CEP152: variants seen among roughly 807,000 people sequenced by gnomAD.
The protein encoded by CEP152 is centrosomal protein of 152 kDa.
A neutral mutation model predicts 188.9 loss-of-function variants in CEP152; 132 were observed. The ratio of observed to expected loss-of-function variants is 0.70; its 90% CI spans 0.61 to 0.81. The LOEUF is 0.81. Among genes scored for constraint, CEP152 ranks in the 30% least tolerant of loss-of-function variants. The pLI is 0.00. For synonymous variants in CEP152, 649 were observed against 666.6 expected (o/e 0.97, Z 0.41); for missense variants, 1,914 against 1,969.8 (o/e 0.97, Z 0.54).
At chr15:48,755,217 A>G (rs922025239) in intron 20 of CEP152, among the ~76,000 whole-genome samples, 7 of 152,322 alleles carry the variant, frequency 4.6e-5, no homozygotes, top group Admixed American at 4.6e-4. Flanking sequence ...AATTAATTCT[A>G]TATGCACATA....
rs1422913824 is a variant in CEP152 at position 48,745,952 on chromosome 15, G to A, written c.3635-960C>T. Among the ~76,000 whole-genome samples, 3 of 152,088 alleles carry A rather than the reference G, an allele frequency of 2.0e-5. No homozygotes were observed. The East Asian group carries it at 5.8e-4, about 29-fold the overall frequency. On this transcript the variant is annotated intron_variant, in intron 22 of 26. Transcript: ENST00000380950. Reference sequence around the variant, plus strand: ...AATATAAATGTGAACATGGCATCTCGTGTTTCCTGTGATGCTACCCTCTCA... The same window carrying A: ...AATATAAATGTGAACATGGCATCTCATGTTTCCTGTGATGCTACCCTCTCA...
At chr15:48,800,939 C>T (rs1023000839) in intron 2 of CEP152, among the ~76,000 whole-genome samples, 22 of 152,166 alleles carry the variant, frequency 1.4e-4, no homozygotes, top group Middle Eastern at 3.2e-3. Context: ...CAAAAGCCTA[C>T]ATTCAGGGGC....
intron 12 of CEP152, among the ~76,000 whole-genome samples, chr15:48,780,619 C>G (rs1475134218): frequency 6.6e-6 from 1 of 152,148 alleles, no homozygotes; most frequent in Admixed American, 6.5e-5. Flanking sequence ...TTCCAAACAC[C>G]GTATCTCTCT....
Position 48,756,236 on chromosome 15 carries a change from T to C in CEP152, c.3012A>G (p.Gln1004=). The C allele has an allele frequency of 1.9e-6, 3 of 1,610,284 alleles. No individual in the cohort carries two copies. The highest frequency in any genetic ancestry group is 2.5e-6 in the Non-Finnish European group (3 of 1,177,836). The stretch of plus-strand genomic sequence containing the variant: ...CCTTCTGAAGAAGTAGTTCAGTTTT[T>C]TGTTTCATAAAGTCTTCTTTAGCTG... ...LAAAKEDFMK[Q]KTELLLQKET... is the part of the protein sequence containing the mutation. Residue 1004 remains glutamine (Q), a synonymous_variant, in exon 20 of 27, where the codon CAA becomes CAG. Transcript: ENST00000380950.
At chr15:48,755,807 T>C in intron 20 of CEP152, 96 bp downstream of exon 20, 2 of 1,585,882 alleles carry the variant, frequency 1.3e-6, no homozygotes. Context: ...GACTTACATC[T>C]ACTAAAATTT....
rs761440574 is a variant in CEP152 at position 48,744,887 on chromosome 15, A to G, written c.3731+9T>C. The G allele has an allele frequency of 1.2e-5, 20 of 1,600,918 alleles. No homozygotes were observed. The East Asian group carries it at 2.0e-4, about 16-fold the overall frequency. Reference sequence around the variant, plus strand: ...TTTAAAATAGCACTTTAAAATAGTAAAAGTATACCTTGGTGGTGTTTTACA... The same window carrying G: ...TTTAAAATAGCACTTTAAAATAGTAGAAGTATACCTTGGTGGTGTTTTACA... On this transcript the variant is annotated intron_variant, in intron 23 of 26. Coordinates refer to ENST00000380950, the MANE Select transcript of CEP152 (RefSeq NM_001194998.2).
At position 48,748,600 on chromosome 15, in the gene CEP152, CT is replaced by C; in HGVS notation, c.3476del (p.Lys1159ArgfsTer27). ...AGCATAAATCCTTAATTTCAAGGAC[CT>C]TTTTCTTATCTGCAAAAATTAAATG... The part of the protein sequence containing the change: ...QATEAEADKK[K>X]VLEIKDLCCG... On this transcript the variant is annotated frameshift_variant, in exon 22 of 27. Transcript: ENST00000380950. LOFTEE classifies it high-confidence loss of function. 4 of 1,480,968 alleles carry C rather than the reference CT, an allele frequency of 2.7e-6. No individual in the cohort carries two copies. The highest frequency in any genetic ancestry group is 1.4e-5 in the South Asian group (1 of 72,712). 91.7% of individuals were successfully genotyped at this position (1,480,968 alleles called of 1,614,324 possible).
At chr15:48,781,117 A>G (rs1896212222) in intron 12 of CEP152, 79 bp downstream of exon 12, 7 of 1,254,412 alleles carry the variant, frequency 5.6e-6, no homozygotes, top group Non-Finnish European at 8.2e-6. Flanking sequence ...ATACGCTCTC[A>G]CCTTAAAACA....
chr15:48,761,026 G>A (rs1456992685), intron 18 of CEP152, among the ~76,000 whole-genome samples: 1 of 152,048 alleles, frequency 6.6e-6, no homozygotes, highest in African/African-American at 2.4e-5. Flanking sequence ...TTAAGAAATG[G>A]GGAAAAGATA....
rs1892690194 is a variant in CEP152, at chr15:48,738,030, A to G, written c.*219T>C. 2 of 521,314 alleles carry G rather than the reference A, an allele frequency of 3.8e-6. No homozygotes were observed. The highest frequency in any genetic ancestry group is 2.8e-5 in the South Asian group (1 of 35,570). 32.3% of individuals were successfully genotyped at this position (521,314 alleles called of 1,614,324 possible). On this transcript the variant is annotated 3_prime_UTR_variant, in exon 27 of 27. Coordinates refer to ENST00000380950, the MANE Select transcript of CEP152 (RefSeq NM_001194998.2). ...AATAGATGGTTTAGAAACCAAAAAT[A>G]AGCACCACACAAAAGCAGATTATAC...
At chr15:48,762,068 T>C (rs1894725117) in intron 18 of CEP152, among the ~76,000 whole-genome samples, 1 of 152,250 alleles carries the variant, frequency 6.6e-6, no homozygotes, top group Non-Finnish European at 1.5e-5. Context: ...AAAAATTAGA[T>C]ATGAAAGATT....
chr15:48,757,081 T>A (rs912387249), intron 19 of CEP152, among the ~76,000 whole-genome samples: 7 of 152,186 alleles, frequency 4.6e-5, no homozygotes, highest in African/African-American at 1.7e-4. Flanking sequence ...AATTTGTTTG[T>A]ATGACAGAAT....
intron 9 of CEP152, among the ~76,000 whole-genome samples, chr15:48,785,402 G>A (rs1034420089): frequency 1.3e-5 from 2 of 151,018 alleles, no homozygotes; most frequent in Non-Finnish European, 3.0e-5. Context: ...ACACTGCTGC[G>A]AATTCCAGGC....
chr15:48,803,535 A>G (rs1229449268), intron 2 of CEP152, among the ~76,000 whole-genome samples: 4 of 152,216 alleles, frequency 2.6e-5, no homozygotes, highest in Non-Finnish European at 4.4e-5. Context: ...GAAGTTTTTT[A>G]CAAATTTAAC....
At chr15:48,763,766 T>C (rs1361400166) in intron 17 of CEP152, among the ~76,000 whole-genome samples, 1 of 152,228 alleles carries the variant, frequency 6.6e-6, no homozygotes, top group Non-Finnish European at 1.5e-5. Flanking sequence ...CTTTGTTCCC[T>C]AACTTGCTAG....
chr15:48,785,278 A>G (rs575519669), intron 9 of CEP152, among the ~76,000 whole-genome samples: 34 of 152,318 alleles, frequency 2.2e-4, no homozygotes, highest in African/African-American at 7.5e-4. Flanking sequence ...TGAATTTTGT[A>G]TTCTATTTCA....
intron 5 of CEP152, 71 bp from the exon 6 acceptor site, chr15:48,796,231 A>G: frequency 6.4e-7 from 1 of 1,560,122 alleles, no homozygotes; most frequent in Non-Finnish European, 8.8e-7. Context: ...TTAGACACCT[A>G]AATTAATGTT....
intron 6 of CEP152, among the ~76,000 whole-genome samples, chr15:48,794,486 G>C (rs1189388307): frequency 6.6e-6 from 1 of 152,078 alleles, no homozygotes; most frequent in Non-Finnish European, 1.5e-5. Context: ...ACTCCTCATA[G>C]GTCTTATAGT....
chr15:48,765,940 C>G (rs1046422080), intron 17 of CEP152, among the ~76,000 whole-genome samples: 1 of 152,168 alleles, frequency 6.6e-6, no homozygotes, highest in Non-Finnish European at 1.5e-5. Context: ...GCGTGAGCCA[C>G]TGTGCCCGGC....
Sources: allele counts gnomAD v4.1 joint callset (sites outside exome capture counted in the v4.1 genomes callset), GRCh38; gene constraint gnomAD v4.1.1; transcripts MANE v1.5; gene names NCBI Gene and HGNC (gene_info 2026-07-23, HGNC 2026-07-21).